Variants in VANGL1 observed in about 807,000 individuals in gnomAD.
VANGL1 encodes the protein VANGL planar cell polarity protein 1.
In VANGL1, 18 loss-of-function variants were observed where a neutral mutation model predicts 48.4. The observed-to-expected ratio is 0.37, with a 90% CI of 0.26 to 0.55. VANGL1 has a LOEUF of 0.55. Among genes scored for constraint, VANGL1 ranks in the 20% least tolerant of loss-of-function variants. VANGL1 has a pLI of 0.81. For missense variants in VANGL1, 667 were observed against 675.8 expected, an observed-to-expected ratio of 0.99 and a Z score of 0.14; for synonymous variants, 257 against 261.8, an observed-to-expected ratio of 0.98 and a Z score of 0.18.
At chr1:115,674,944 G>C (rs537309586) in intron 4 of VANGL1, among the ~76,000 whole-genome samples, 1 of 145,406 alleles carries the variant, frequency 6.9e-6, no homozygotes, top group Non-Finnish European at 1.6e-5. Context: ...CCATGTGTAC[G>C]TCTGTGTGTG....
At chr1:115,652,403 T>C (rs1338250306) in intron 2 of VANGL1, among the ~76,000 whole-genome samples, 1 of 152,196 alleles carries the variant, frequency 6.6e-6, no homozygotes, top group African/African-American at 2.4e-5. Flanking sequence ...CCAGTTAGAA[T>C]TGTACTTGGT....
chr1:115,658,907 C>T (rs1283546873), intron 2 of VANGL1, among the ~76,000 whole-genome samples: 1 of 152,120 alleles, frequency 6.6e-6, no homozygotes, highest in East Asian at 1.9e-4. Flanking sequence ...ATGCAGCAGC[C>T]TGCTTTCCTC....
chr1:115,646,695 A>C (rs1033113072), intron 1 of VANGL1, among the ~76,000 whole-genome samples: 1 of 152,124 alleles, frequency 6.6e-6, no homozygotes, highest in African/African-American at 2.4e-5. Context: ...ATAATGTCCT[A>C]GGAGCTGGAA....
intron 2 of VANGL1, among the ~76,000 whole-genome samples, chr1:115,655,199 T>C (rs911737215): frequency 6.6e-6 from 1 of 151,804 alleles, no homozygotes; most frequent in African/African-American, 2.4e-5. Context: ...GGGTCGTGGG[T>C]TGTGGGAGAG....
At chr1:115,648,644 CAAG>C (rs1652025996) in intron 1 of VANGL1, among the ~76,000 whole-genome samples, 1 of 152,190 alleles carries the variant, frequency 6.6e-6, no homozygotes, top group Admixed American at 6.5e-5. Flanking sequence ...TTAATCCTCA[CAAG>C]AACCCTGGGA....
rs1349607515 is a variant in VANGL1 at position 115,698,142 on chromosome 1, CT to C, written c.*6764del. The C allele has an allele frequency of 1.3e-5, 2 of 152,172 alleles. No homozygotes were observed. The highest frequency in any genetic ancestry group is 2.4e-5 in the African/African-American group (1 of 41,418). 9.4% of individuals were successfully genotyped at this position (152,172 alleles called of 1,614,324 possible). A position where few individuals can be genotyped will look rare whatever the true frequency, so the allele number is the denominator to read the frequency against. On this transcript the variant is annotated 3_prime_UTR_variant, in exon 8 of 8. Coordinates refer to ENST00000355485, the MANE Select transcript of VANGL1 (RefSeq NM_138959.3). ...TTGGGTCCTCCAGTATAATCCCCCCCTCATCCCAATTAACTGTAAAATGTTT... is the reference window on the plus strand; with the variant it reads ...TTGGGTCCTCCAGTATAATCCCCCCCCATCCCAATTAACTGTAAAATGTTT...
intron 1 of VANGL1, among the ~76,000 whole-genome samples, chr1:115,644,070 G>C (rs1339441000): frequency 6.6e-6 from 1 of 152,072 alleles, no homozygotes; most frequent in African/African-American, 2.4e-5. Flanking sequence ...ATTCTTAGTG[G>C]GGTTATATGT....
chr1:115,653,479 ACAC>A (rs1351122530), intron 2 of VANGL1, among the ~76,000 whole-genome samples: 3 of 152,222 alleles, frequency 2.0e-5, no homozygotes, highest in Non-Finnish European at 4.4e-5. Flanking sequence ...TCCCTCATCC[ACAC>A]CACAATGACA....
In VANGL1 at chr1:115,687,987, T is replaced by TAGATAGATAGACAGAC. The variant is rs781284916; in HGVS notation, c.1314+2463_1314+2464insTAGATAGACAGACAGA. 1.0e-4 allele frequency among the ~76,000 whole-genome samples: 13 copies of TAGATAGATAGACAGAC among 129,362 alleles called. 3 individuals carry two copies. Among genetic ancestry groups the TAGATAGATAGACAGAC allele is most frequent in the African/African-American group, 3.8e-4 (13 of 33,770 alleles). 84.9% of individuals were successfully genotyped at this position (129,362 alleles called of 152,430 possible). A position where few individuals can be genotyped will look rare whatever the true frequency, so the allele number is the denominator to read the frequency against. On this transcript the variant is annotated intron_variant, in intron 7 of 7. Transcript: ENST00000355485. ...ATAGATAGATAGATAGATAGATAGA[T>TAGATAGATAGACAGAC]AGACACATAGATAGATACATAGATA...
chr1:115,678,371 C>T (rs1320913092), intron 4 of VANGL1, among the ~76,000 whole-genome samples: 5 of 152,164 alleles, frequency 3.3e-5, no homozygotes, highest in African/African-American at 1.2e-4. Context: ...ATGGCTGCTC[C>T]CTGCATCCTG....
intron 6 of VANGL1, 99 bp downstream of exon 6, chr1:115,684,175 G>T: frequency 8.1e-7 from 1 of 1,239,638 alleles, no homozygotes; most frequent in Non-Finnish European, 1.0e-6. Context: ...ATCTCACTCT[G>T]TTGCCCAGGC....
chr1:115,662,233 C>G (rs9287154), intron 3 of VANGL1, among the ~76,000 whole-genome samples: 7,068 of 152,132 alleles, frequency 0.046, 524 homozygotes, highest in African/African-American at 0.16. Flanking sequence ...TTTTTTTGGT[C>G]ATTACTAGAT....
intron 7 of VANGL1, among the ~76,000 whole-genome samples, chr1:115,689,397 T>C (rs7518549): frequency 0.57 from 75,861 of 133,940 alleles, 28,474 homozygotes; most frequent in African/African-American, 0.77. Context: ...TTTGAGAGGC[T>C]GAGGCAGGTC....
chr1:115,689,894 T>TG lies in VANGL1; in HGVS notation c.1315-1224dup, dbSNP rs1267134321. 1.4e-5 allele frequency among the ~76,000 whole-genome samples: 2 copies of TG among 138,260 alleles called. 1 individual carries two copies. Among genetic ancestry groups the TG allele is most frequent in the Non-Finnish European group, 3.2e-5 (2 of 63,230 alleles). The allele number at this position is 138,260 out of a possible 152,430, so 90.7% of individuals were successfully genotyped here. A position where few individuals can be genotyped will look rare whatever the true frequency, so the allele number is the denominator to read the frequency against. ...TCACTTGAACCCGGGAGGCGGAGCT[T>TG]GCAGTGAGCCGAGATTCTGCCACGG... On this transcript the variant is annotated intron_variant, in intron 7 of 7. Coordinates refer to ENST00000355485, the MANE Select transcript of VANGL1 (RefSeq NM_138959.3).
intron 3 of VANGL1, among the ~76,000 whole-genome samples, chr1:115,660,242 G>A (rs1233983619): frequency 6.6e-6 from 1 of 152,158 alleles, no homozygotes; most frequent in Non-Finnish European, 1.5e-5. Context: ...GGGTCGAAAA[G>A]AGGGGGCAAA....
intron 3 of VANGL1, among the ~76,000 whole-genome samples, chr1:115,662,470 T>C (rs922911723): frequency 6.6e-6 from 1 of 152,246 alleles, no homozygotes; most frequent in Admixed American, 6.5e-5. Context: ...GCCAGTTGTT[T>C]TTAAACAACA....
At chr1:115,686,369 C>T (rs1401764677) in intron 7 of VANGL1, among the ~76,000 whole-genome samples, 1 of 30,688 alleles carries the variant, frequency 3.3e-5, no homozygotes, top group Non-Finnish European at 6.0e-5. Context: ...GAGACTCCGT[C>T]CAAAAAAAAA....
intron 4 of VANGL1, among the ~76,000 whole-genome samples, chr1:115,671,778 G>C (rs1014955161): frequency 1.3e-5 from 2 of 152,198 alleles, no homozygotes; most frequent in Non-Finnish European, 2.9e-5. Flanking sequence ...GCAGACTGTG[G>C]CAGAGCCAAG....
chr1:115,664,125 A>G lies in VANGL1; in HGVS notation c.669A>G (p.Ala223=), dbSNP rs753592449. ...DRNYQGIVQY[A]VSLVDALLFI... ...ATTACCAGGGCATTGTGCAATATGC[A>G]GTCTCCCTTGTGGATGCCCTCCTCT... The change falls in exon 4 of 8, where the codon GCA becomes GCG. Residue 223 remains alanine, a synonymous_variant. Coordinates refer to ENST00000355485, the MANE Select transcript of VANGL1 (RefSeq NM_138959.3). 6.8e-6 allele frequency: 11 copies of G among 1,614,206 alleles called. No homozygotes were observed. Among genetic ancestry groups the G allele is most frequent in the South Asian group, 2.2e-5 (2 of 91,084 alleles).
Sources: allele counts gnomAD v4.1 joint callset (sites outside exome capture counted in the v4.1 genomes callset), GRCh38; gene constraint gnomAD v4.1.1; transcripts MANE v1.5; gene names NCBI Gene and HGNC (gene_info 2026-07-23, HGNC 2026-07-21).